The following PIK3C2G variants were observed in gnomAD, a reference collection of about 807,000 sequenced individuals.
PIK3C2G encodes phosphatidylinositol-4-phosphate 3-kinase catalytic subunit type 2 gamma.
In PIK3C2G, 168 loss-of-function variants were observed where a neutral mutation model predicts 181.1. The observed-to-expected ratio is 0.93, with a 90% confidence interval of 0.82 to 1.05. The LOEUF is 1.05. Among genes scored for constraint, PIK3C2G ranks in the 50% least tolerant of loss-of-function variants. The pLI is 0.00. For missense variants in PIK3C2G, 1,869 were observed against 1,732.8 expected (o/e 1.08, Z -1.40); for synonymous variants, 573 against 592.2 (o/e 0.97, Z 0.47).
chr12:18,274,976 G>C (rs957950965), intron 1 of PIK3C2G, among the ~76,000 whole-genome samples: 1 of 152,098 alleles, frequency 6.6e-6, no homozygotes, highest in East Asian at 1.9e-4. Flanking sequence ...AACAGGCTTT[G>C]TGTTGATATA....
At chr12:18,261,035 G>GA (rs1194839111), upstream of PIK3C2G, among the ~76,000 whole-genome samples, 20 of 151,952 alleles carry the variant, frequency 1.3e-4, no homozygotes, top group African/African-American at 2.2e-4. Context: ...TTCTAAATTA[G>GA]AAAAAAATGA....
chr12:18,437,754 A>C (rs1344073556), intron 18 of PIK3C2G, among the ~76,000 whole-genome samples: 1 of 151,980 alleles, frequency 6.6e-6, no homozygotes, highest in Admixed American at 6.6e-5. Flanking sequence ...ATGTTGACAT[A>C]AATTGATTGA....
At position 18,338,435 on chromosome 12, in the gene PIK3C2G, TATA is replaced by T. The variant is rs1565612941; in HGVS notation, c.1286_1288del (p.Asn429del). On this transcript the variant is annotated inframe_deletion, in exon 9 of 33. Coordinates refer to ENST00000538779, the MANE Select transcript of PIK3C2G (RefSeq NM_001288772.2). ...ATCTTGTTATCTACAGGAAAACGTG[TATA>T]ATATTATTGAAGAAGTTAAAAAAAT... 7.0e-6 allele frequency: 11 copies of T among 1,565,208 alleles called. No individual in the cohort carries two copies. In the East Asian group the frequency reaches 9.0e-5, roughly 13 times the overall value.
At chr12:18,264,523 T>C (rs773171183) in intron 1 of PIK3C2G, among the ~76,000 whole-genome samples, 61 of 152,304 alleles carry the variant, frequency 4.0e-4, no homozygotes, top group Middle Eastern at 6.8e-3. Flanking sequence ...TTTTGTTGAG[T>C]ATTGGCTTAT....
intron 5 of PIK3C2G, among the ~76,000 whole-genome samples, chr12:18,306,794 T>A (rs1950439155): frequency 6.6e-6 from 1 of 152,002 alleles, no homozygotes; most frequent in Admixed American, 6.6e-5. Flanking sequence ...TTACTGAATT[T>A]TCTTAAAGAA....
the PIK3C2G span, among the ~76,000 whole-genome samples, chr12:18,665,181 T>A: frequency 6.4e-3 from 973 of 151,280 alleles, 10 homozygotes; most frequent in African/African-American, 0.022. Flanking sequence ...AAAAAAAAAT[T>A]AAAAAAAATA....
chr12:18,461,128 C>T (rs989526151), intron 18 of PIK3C2G, among the ~76,000 whole-genome samples: 18 of 151,902 alleles, frequency 1.2e-4, no homozygotes, highest in African/African-American at 4.4e-4. Context: ...GAAAAAGGTG[C>T]ATTATAGATA....
chr12:18,408,311 T>A (rs1944655734), intron 16 of PIK3C2G, among the ~76,000 whole-genome samples: 1 of 152,212 alleles, frequency 6.6e-6, no homozygotes, highest in Non-Finnish European at 1.5e-5. Context: ...CACCATTTAT[T>A]AAATAGGGAA....
intron 17 of PIK3C2G, among the ~76,000 whole-genome samples, chr12:18,422,561 G>A (rs1400978094): frequency 6.6e-6 from 1 of 152,070 alleles, no homozygotes; most frequent in Non-Finnish European, 1.5e-5. Flanking sequence ...AGTCAAATAA[G>A]ACCCAGACCC....
chr12:18,569,108 G>C (rs1311263845), intron 29 of PIK3C2G, among the ~76,000 whole-genome samples: 1 of 151,992 alleles, frequency 6.6e-6, no homozygotes, highest in African/African-American at 2.4e-5. Context: ...AGAATATGGT[G>C]GAAGTGACCC....
chr12:18,353,805 C>T (rs192692285), intron 11 of PIK3C2G, among the ~76,000 whole-genome samples: 58 of 152,304 alleles, frequency 3.8e-4, no homozygotes, highest in African/African-American at 1.3e-3. Context: ...ACCAAGGCCT[C>T]TCAGCCTTTC....
At chr12:18,605,132 G>A (rs955068551) in intron 30 of PIK3C2G, among the ~76,000 whole-genome samples, 3 of 152,100 alleles carry the variant, frequency 2.0e-5, no homozygotes, top group Non-Finnish European at 4.4e-5. Context: ...AAAATTGATA[G>A]ACCATTAGCA....
the PIK3C2G span, chr12:18,688,266 C>T: frequency 4.8e-5 from 74 of 1,544,806 alleles, no homozygotes; most frequent in Middle Eastern, 9.2e-4. Context: ...TATTAAGTTA[C>T]ATCACCATTT....
At chr12:18,410,209 T>C (rs976945157) in intron 16 of PIK3C2G, among the ~76,000 whole-genome samples, 4 of 152,112 alleles carry the variant, frequency 2.6e-5, no homozygotes, top group African/African-American at 7.2e-5. Flanking sequence ...AGAAGAGCCT[T>C]ATTGTTCAGG....
chr12:18,564,086 T>C (rs928552017), intron 28 of PIK3C2G, among the ~76,000 whole-genome samples: 13 of 151,970 alleles, frequency 8.6e-5, no homozygotes, highest in Admixed American at 8.5e-4. Context: ...ATTATCTAAA[T>C]TGAATTTGTT....
chr12:18,649,870 G>A (rs7310526), downstream of PIK3C2G, among the ~76,000 whole-genome samples: 1,905 of 152,014 alleles, frequency 0.013, 41 homozygotes, highest in African/African-American at 0.043. Context: ...GTTTAGCTTC[G>A]TTGCCTTTTT....
the PIK3C2G span, chr12:18,719,456 G>T: frequency 1.3e-6 from 2 of 1,539,572 alleles, no homozygotes; most frequent in Non-Finnish European, 1.8e-6. Flanking sequence ...AGGTCACTTG[G>T]TCCCAATAAT....
At chr12:18,577,919 C>G (rs1946313655) in intron 29 of PIK3C2G, among the ~76,000 whole-genome samples, 1 of 152,144 alleles carries the variant, frequency 6.6e-6, no homozygotes, top group African/African-American at 2.4e-5. Flanking sequence ...TATTAGCTGC[C>G]ACATTGAAAA....
chr12:18,421,580 T>C (rs1413991592), intron 17 of PIK3C2G, among the ~76,000 whole-genome samples: 1 of 152,030 alleles, frequency 6.6e-6, no homozygotes, highest in Admixed American at 6.6e-5. Flanking sequence ...TTAGTCTGAA[T>C]ACGATGAAAT....
Sources: gnomAD v4.1 joint callset for allele counts (sites outside exome capture counted in the v4.1 genomes callset) on GRCh38, gnomAD v4.1.1 for gene constraint, MANE v1.5 for transcripts, NCBI Gene and HGNC (gene_info 2026-07-23, HGNC 2026-07-21) for gene names.